SMAD3: variants seen among roughly 807,000 people sequenced by gnomAD.
The protein encoded by SMAD3 is SMAD family member 3.
In SMAD3, 12 loss-of-function variants were observed where a neutral mutation model predicts 51.8. That is an observed-to-expected ratio of 0.23 (90% CI 0.15 to 0.38). The LOEUF is 0.38. SMAD3 is among the 10% of genes least tolerant of loss of function. The pLI is 1.00. For synonymous variants in SMAD3, 238 were observed against 227.7 expected (o/e 1.05, Z -0.41); for missense variants, 294 against 565.6 (o/e 0.52, Z 4.87).
At chr15:67,144,092 A>G (rs1961908328) in intron 1 of SMAD3, among the ~76,000 whole-genome samples, 1 of 152,012 alleles carries the variant, frequency 6.6e-6, no homozygotes, top group Non-Finnish European at 1.5e-5. Flanking sequence ...CAGTCAAGAT[A>G]ATGAACATGT....
chr15:67,175,184 TC>T (rs1962856402), intron 5 of SMAD3, among the ~76,000 whole-genome samples: 1 of 152,114 alleles, frequency 6.6e-6, no homozygotes, highest in African/African-American at 2.4e-5. Context: ...AGTAAGTTGT[TC>T]CCTGCTTTAA....
intron 1 of SMAD3, among the ~76,000 whole-genome samples, chr15:67,111,359 G>A (rs1961010515): frequency 6.6e-6 from 1 of 152,174 alleles, no homozygotes; most frequent in African/African-American, 2.4e-5. Context: ...TCCAGTGTAT[G>A]GATATACCAC....
intron 1 of SMAD3, among the ~76,000 whole-genome samples, chr15:67,144,526 T>C (rs1951941206): frequency 6.6e-6 from 1 of 152,236 alleles, no homozygotes; most frequent in African/African-American, 2.4e-5. Context: ...ATGAGTTAAA[T>C]AGTGATTTAA....
chr15:67,164,794 A>C, intron 1 of SMAD3, 101 bp from the exon 2 acceptor site: 8 of 1,198,998 alleles, frequency 6.7e-6, no homozygotes, highest in African/African-American at 1.5e-5. Context: ...AAATGAGGGG[A>C]GAGAGAGCTT....
chr15:67,131,027 A>C (rs879549878), intron 1 of SMAD3, among the ~76,000 whole-genome samples: 35 of 152,138 alleles, frequency 2.3e-4, no homozygotes, highest in Non-Finnish European at 4.0e-4. Flanking sequence ...TGCTCGGGGA[A>C]TCCCCAAGGA....
intron 5 of SMAD3, among the ~76,000 whole-genome samples, chr15:67,176,377 A>G (rs112146149): frequency 0.021 from 3,202 of 152,240 alleles, 38 homozygotes; most frequent in Non-Finnish European, 0.035. Context: ...GGAGTGTGGA[A>G]TCTCCTAGAT....
chr15:67,184,797 T>C lies in SMAD3; in HGVS notation c.942T>C (p.Phe314=). 1 of 1,613,922 alleles carries C rather than the reference T, an allele frequency of 6.2e-7. No homozygotes were observed. Among genetic ancestry groups the C allele is most frequent in the Non-Finnish European group, 8.5e-7 (1 of 1,180,048 alleles). ...AGTGCCTCAGTGACAGCGCTATTTTTGTCCAGTCTCCCAACTGTAACCAGC... is the reference window on the plus strand; with the variant it reads ...AGTGCCTCAGTGACAGCGCTATTTTCGTCCAGTCTCCCAACTGTAACCAGC... ...FAECLSDSAI[F]VQSPNCNQRY... The change falls in exon 7 of 9, where the codon TTT becomes TTC. Residue 314 remains phenylalanine, a synonymous_variant. Coordinates refer to ENST00000327367, the MANE Select transcript of SMAD3 (RefSeq NM_005902.4).
chr15:67,125,776 G>A, intron 1 of SMAD3: 1 of 985,682 alleles, frequency 1.0e-6, no homozygotes, highest in South Asian at 4.7e-5. Context: ...GAGTTCACTG[G>A]TGCTGGGGTT....
chr15:67,082,532 T>G (rs1054635012), intron 1 of SMAD3, among the ~76,000 whole-genome samples: 4 of 152,256 alleles, frequency 2.6e-5, no homozygotes, highest in African/African-American at 9.6e-5. Flanking sequence ...TTAGTATCTT[T>G]GTGCATCTCT....
Position 67,192,241 on chromosome 15 carries a change from G to A in SMAD3, c.*1705G>A, listed in dbSNP as rs1179445653. 1 of 232,918 alleles carries A rather than the reference G, an allele frequency of 4.3e-6. No individual in the cohort carries two copies. The highest frequency in any genetic ancestry group is 5.6e-5 in the Admixed American group (1 of 17,738). 14.4% of individuals were successfully genotyped at this position (232,918 alleles called of 1,614,324 possible). A position where few individuals can be genotyped will look rare whatever the true frequency, so the allele number is the denominator to read the frequency against. On this transcript the variant is annotated 3_prime_UTR_variant, in exon 9 of 9. Coordinates refer to ENST00000327367, the MANE Select transcript of SMAD3 (RefSeq NM_005902.4). ...CCTGATGCCTCATCTGCAGGGTCCTGTGCCTCTGAAGTTCTAGCCATGAGG... is the reference window on the plus strand; with the variant it reads ...CCTGATGCCTCATCTGCAGGGTCCTATGCCTCTGAAGTTCTAGCCATGAGG...
intron 1 of SMAD3, among the ~76,000 whole-genome samples, chr15:67,074,706 T>A (rs1172089712): frequency 2.0e-5 from 3 of 152,240 alleles, no homozygotes; most frequent in African/African-American, 7.2e-5. Context: ...TTTTTGTTTT[T>A]TGAGACGGAG....
chr15:67,151,039 G>T (rs986616355), intron 1 of SMAD3, among the ~76,000 whole-genome samples: 4 of 151,056 alleles, frequency 2.6e-5, no homozygotes, highest in African/African-American at 9.7e-5. Context: ...TGTATTTTTA[G>T]TAGAGACGGG....
intron 1 of SMAD3, among the ~76,000 whole-genome samples, chr15:67,129,361 T>C (rs1223545993): frequency 1.3e-5 from 2 of 152,220 alleles, no homozygotes; most frequent in Non-Finnish European, 1.5e-5. Flanking sequence ...TTTTGCCTTA[T>C]GAGGTTTCAG....
At chr15:67,091,143 A>G (rs537416614) in intron 1 of SMAD3, among the ~76,000 whole-genome samples, 4 of 152,244 alleles carry the variant, frequency 2.6e-5, no homozygotes, top group Admixed American at 2.0e-4. Context: ...TGCCCTGCCC[A>G]TGCCCTGGCA....
At chr15:67,178,620 C>T (rs950507302) in intron 5 of SMAD3, among the ~76,000 whole-genome samples, 2 of 151,984 alleles carry the variant, frequency 1.3e-5, no homozygotes, top group African/African-American at 4.8e-5. Flanking sequence ...GCAGTGGTGG[C>T]CAGCAGCACT....
chr15:67,146,864 CG>C (rs1049419821), intron 1 of SMAD3: 6 of 152,130 alleles, frequency 3.9e-5, no homozygotes, highest in African/African-American at 1.4e-4. Context: ...TCGGAAGTAG[CG>C]GGGTTGATTT....
At chr15:67,135,668 A>G (rs1961641675) in intron 1 of SMAD3, among the ~76,000 whole-genome samples, 1 of 152,138 alleles carries the variant, frequency 6.6e-6, no homozygotes, top group Non-Finnish European at 1.5e-5. Flanking sequence ...CCAGAGCAGT[A>G]CTTTGAACTT....
rs1173471028 is a variant in SMAD3, at chr15:67,191,586, T to C, written c.*1050T>C. 1 of 233,152 alleles carries C rather than the reference T, an allele frequency of 4.3e-6. No individual in the cohort carries two copies. Among genetic ancestry groups the C allele is most frequent in the Non-Finnish European group, 8.5e-6 (1 of 117,962 alleles). The allele number at this position is 233,152 out of a possible 1,614,324, so 14.4% of individuals were successfully genotyped here. A position where few individuals can be genotyped will look rare whatever the true frequency, so the allele number is the denominator to read the frequency against. On this transcript the variant is annotated 3_prime_UTR_variant, in exon 9 of 9. Coordinates refer to ENST00000327367, the MANE Select transcript of SMAD3 (RefSeq NM_005902.4). ...TGGCACATTGACTGGGAAACCTGAG[T>C]GAGACCCAGCAACTGCTTCTCTCCC...
intron 1 of SMAD3, among the ~76,000 whole-genome samples, chr15:67,091,645 G>T (rs541173657): frequency 6.6e-6 from 1 of 152,162 alleles, no homozygotes; most frequent in East Asian, 1.9e-4. Flanking sequence ...TTGTACATTT[G>T]GTGTCTGTTT....
Sources: allele counts gnomAD v4.1 joint callset (sites outside exome capture counted in the v4.1 genomes callset), GRCh38; gene constraint gnomAD v4.1.1; transcripts MANE v1.5; gene names NCBI Gene and HGNC (gene_info 2026-07-23, HGNC 2026-07-21).